Variants in PLCH1 observed in about 807,000 individuals in gnomAD.
The protein encoded by PLCH1 is phospholipase C eta 1.
In PLCH1, 60 loss-of-function variants were observed where a neutral mutation model predicts 126.7. The observed-to-expected ratio is 0.47, with a 90% CI of 0.38 to 0.59. The LOEUF (loss-of-function observed/expected upper bound fraction) is 0.59. Ranked by LOEUF, PLCH1 falls within the 20% of genes least tolerant of loss-of-function variation. PLCH1 has a pLI of 0.00. For synonymous variants in PLCH1, 719 were observed against 734.9 expected, an observed-to-expected ratio of 0.98 and a Z score of 0.35; for missense variants, 1,723 against 2,040.0, an observed-to-expected ratio of 0.84 and a Z score of 2.99.
intron 2 of PLCH1, among the ~76,000 whole-genome samples, chr3:155,601,671 G>A (rs1042601930): frequency 3.9e-5 from 6 of 152,158 alleles, no homozygotes; most frequent in Admixed American, 3.9e-4. Context: ...TGTTAGGAAT[G>A]TCATACATGC....
chr3:155,606,296 AGAG>A (rs1734349063), intron 2 of PLCH1, among the ~76,000 whole-genome samples: 4 of 152,218 alleles, frequency 2.6e-5, no homozygotes. Context: ...TAGGAAAAAC[AGAG>A]GAGGAGACCC....
chr3:155,728,898 T>C (rs1275721674), intron 1 of PLCH1, among the ~76,000 whole-genome samples: 1 of 152,246 alleles, frequency 6.6e-6, no homozygotes, highest in Non-Finnish European at 1.5e-5. Context: ...TCTAGCCCAA[T>C]GTTAACATAT....
At chr3:155,469,132 G>T (rs1474177278) in intron 21 of PLCH1, among the ~76,000 whole-genome samples, 3 of 152,202 alleles carry the variant, frequency 2.0e-5, no homozygotes, top group African/African-American at 7.2e-5. Context: ...CGACGCAGAA[G>T]ACGGGTGATT....
At chr3:155,490,488 T>C (rs2108070380) in intron 19 of PLCH1, among the ~76,000 whole-genome samples, 1 of 152,268 alleles carries the variant, frequency 6.6e-6, no homozygotes, top group South Asian at 2.1e-4. Flanking sequence ...AATGGAGGCA[T>C]TTCCTCAGTG....
chr3:155,463,658 A>G (rs2107975581), intron 21 of PLCH1, among the ~76,000 whole-genome samples: 1 of 152,360 alleles, frequency 6.6e-6, no homozygotes, highest in South Asian at 2.1e-4. Flanking sequence ...ACTATGTACA[A>G]AAGTCTCTTT....
intron 8 of PLCH1, among the ~76,000 whole-genome samples, chr3:155,563,787 C>A (rs1049599826): frequency 3.3e-5 from 5 of 152,172 alleles, no homozygotes; most frequent in African/African-American, 9.7e-5. Flanking sequence ...CCATAGCACT[C>A]AAAACCCTTT....
chr3:155,532,365 A>G (rs921352668), intron 10 of PLCH1, among the ~76,000 whole-genome samples: 19 of 151,938 alleles, frequency 1.3e-4, no homozygotes, highest in South Asian at 1.2e-3. Flanking sequence ...GTGAGTGGCC[A>G]AAGTGTGAGG....
intron 21 of PLCH1, among the ~76,000 whole-genome samples, chr3:155,468,541 T>C (rs987385792): frequency 1.8e-4 from 27 of 151,718 alleles, no homozygotes; most frequent in African/African-American, 6.5e-4. Context: ...AATAAACGGA[T>C]GGAAAAAGGC....
intron 10 of PLCH1, among the ~76,000 whole-genome samples, chr3:155,537,211 A>C (rs1334896842): frequency 0.018 from 131 of 7,318 alleles, 1 homozygote; most frequent in African/African-American, 0.031. Context: ...CCAAAAAAAA[A>C]AAAAAAAAAA....
intron 7 of PLCH1, among the ~76,000 whole-genome samples, chr3:155,565,664 C>A (rs1031482978): frequency 8.6e-5 from 13 of 151,018 alleles, no homozygotes; most frequent in African/African-American, 3.2e-4. Context: ...TCGGGTATTT[C>A]TTTCTTTCTT....
At chr3:155,607,750 T>G (rs183650771) in intron 2 of PLCH1, among the ~76,000 whole-genome samples, 45 of 152,264 alleles carry the variant, frequency 3.0e-4, no homozygotes, top group South Asian at 6.2e-4. Context: ...TAAAGATTAT[T>G]AATAAAAATA....
chr3:155,707,394 CA>C (rs1256600098), intron 1 of PLCH1, among the ~76,000 whole-genome samples: 1 of 152,080 alleles, frequency 6.6e-6, no homozygotes, highest in Non-Finnish European at 1.5e-5. Context: ...CCTATAGAAA[CA>C]GCGAAAGACA....
chr3:155,559,788 T>C (rs143702005), intron 8 of PLCH1, among the ~76,000 whole-genome samples: 55 of 152,312 alleles, frequency 3.6e-4, no homozygotes, highest in African/African-American at 1.2e-3. Flanking sequence ...CAGCAGCGAC[T>C]GGAAAACAGG....
chr3:155,638,563 C>T (rs904423333), intron 2 of PLCH1, among the ~76,000 whole-genome samples: 2 of 152,152 alleles, frequency 1.3e-5, no homozygotes, highest in Non-Finnish European at 2.9e-5. Context: ...TGGATTTAGG[C>T]TATGATTTTT....
At chr3:155,678,048 C>T (rs1744227027) in intron 2 of PLCH1, among the ~76,000 whole-genome samples, 1 of 152,268 alleles carries the variant, frequency 6.6e-6, no homozygotes, top group South Asian at 2.1e-4. Context: ...GAGGTGAAGA[C>T]CAAAGCACTC....
chr3:155,481,047 A>T lies in PLCH1; in HGVS notation c.4979T>A (p.Phe1660Tyr), dbSNP rs772260870. The change falls in exon 23 of 23, where the codon TTT becomes TAT. Residue 1660 changes from phenylalanine (F) to tyrosine (Y), a missense_variant. This residue lies in a region of PLCH1 where 947 missense variants were observed against 977.1 expected (regional missense o/e 0.97). Coordinates refer to ENST00000460012, the MANE Select transcript of PLCH1 (RefSeq NM_014996.4). This position sits in a 1 kb window ranked among gnomAD's most constrained non-coding sequence, Gnocchi z 4.2. ...TALHYGHVDQ[F>Y]CSDNSVLQTE... The stretch of plus-strand genomic sequence containing the variant: ...CTGCAAAACAGAATTATCTGAACAA[A>T]ACTGGTCAACGTGGCCATAGTGAAG... The T allele has an allele frequency of 4.3e-6, 7 of 1,613,814 alleles. No individual in the cohort carries two copies. The highest frequency in any genetic ancestry group is 5.9e-6 in the Non-Finnish European group (7 of 1,179,672).
intron 9 of PLCH1, among the ~76,000 whole-genome samples, chr3:155,551,424 G>A (rs1210420082): frequency 4.4e-5 from 5 of 113,804 alleles, no homozygotes; most frequent in Middle Eastern, 9.3e-3. Context: ...CAGCATGGGC[G>A]ACAGAGCAAG....
chr3:155,663,031 T>C (rs535186812), intron 2 of PLCH1, among the ~76,000 whole-genome samples: 10 of 152,346 alleles, frequency 6.6e-5, no homozygotes, highest in African/African-American at 2.4e-4. Flanking sequence ...AATCTTTTCT[T>C]CTGATTGAAA....
intron 2 of PLCH1, among the ~76,000 whole-genome samples, chr3:155,671,042 C>T (rs1018799658): frequency 2.0e-5 from 3 of 152,154 alleles, no homozygotes; most frequent in South Asian, 4.1e-4. Context: ...AACAGGCAAT[C>T]GATTGCTTCC....
Sources: allele counts gnomAD v4.1 joint callset (sites outside exome capture counted in the v4.1 genomes callset), GRCh38; gene constraint gnomAD v4.1.1; regional missense constraint gnomAD v4.1.1; non-coding constraint Gnocchi (gnomAD v3.1); transcripts MANE v1.5; gene names NCBI Gene and HGNC (gene_info 2026-07-23, HGNC 2026-07-21).